Variants in TSGA10IP observed in about 807,000 individuals in gnomAD.
The protein encoded by TSGA10IP is testis specific 10 interacting protein.
Under a neutral mutation model 63.2 loss-of-function variants are expected in TSGA10IP, and 64 were observed. The ratio of observed to expected loss-of-function variants is 1.01; its 90% CI spans 0.83 to 1.25. The LOEUF (loss-of-function observed/expected upper bound fraction) is 1.25, where lower values mean the gene tolerates loss of function less well. TSGA10IP is among the 50% of genes most tolerant of loss of function. The pLI is 0.00. For missense variants in TSGA10IP, 681 were observed against 710.1 expected, an observed-to-expected ratio of 0.96 and a Z score of 0.47; for synonymous variants, 316 against 298.3, an observed-to-expected ratio of 1.06 and a Z score of -0.61.
exon 5 of TSGA10IP, chr11:65,953,604 G>C: frequency 6.3e-7 from 1 of 1,588,294 alleles, no homozygotes; most frequent in Non-Finnish European, 8.6e-7. Context: ...GCGGCAGGAG[G>C]AGCGGCAGCA....
exon 3 of TSGA10IP, chr11:65,947,251 C>T: frequency 6.2e-7 from 1 of 1,611,008 alleles, no homozygotes; most frequent in Non-Finnish European, 8.5e-7. Context: ...CCTCGTTCTC[C>T]CAGCGTCAGT....
chr11:65,959,193 A>G (rs1382803568), exon 7 of TSGA10IP: 4 of 1,604,020 alleles, frequency 2.5e-6, no homozygotes, highest in Non-Finnish European at 3.4e-6. Context: ...TCCTCAGGCC[A>G]ATGCCCGGCT....
chr11:65,953,030 C>CTTTTTTTT (rs543769953), intron 4 of TSGA10IP, among the ~76,000 whole-genome samples: 3 of 133,646 alleles, frequency 2.2e-5, no homozygotes, highest in African/African-American at 2.8e-5. Context: ...TTCTTTCTTT[C>CTTTTTTTT]TTTTTTTTTT....
Position 65,945,557 on chromosome 11 carries a change from A to ACC in TSGA10IP, c.-116_-115dup. The stretch of plus-strand genomic sequence containing the variant: ...TCCCAGAAGGAGATTGGCCTCACAT[A>ACC]CCCCACTGACCCCTTCCTAGCATGC... On this transcript the variant is annotated 5_prime_UTR_variant, in exon 1 of 8. An upstream open reading frame in the 5' UTR gains an earlier in-frame stop. Coordinates refer to ENST00000532620, the Ensembl canonical transcript of TSGA10IP. The ACC allele has an allele frequency of 1.8e-6, 2 of 1,129,410 alleles. No individual in the cohort carries two copies. Among genetic ancestry groups the ACC allele is most frequent in the South Asian group, 3.1e-5 (2 of 64,158 alleles). 70.0% of individuals were successfully genotyped at this position (1,129,410 alleles called of 1,614,324 possible). A position where few individuals can be genotyped will look rare whatever the true frequency, so the allele number is the denominator to read the frequency against.
At chr11:65,948,519 A>C (rs1365408355) in intron 4 of TSGA10IP, among the ~76,000 whole-genome samples, 2 of 152,196 alleles carry the variant, frequency 1.3e-5, no homozygotes, top group Non-Finnish European at 2.9e-5. Flanking sequence ...CTATTAAAAG[A>C]CTTGGAATTA....
intron 4 of TSGA10IP, among the ~76,000 whole-genome samples, chr11:65,951,995 G>A (rs980591617): frequency 6.6e-6 from 1 of 151,926 alleles, no homozygotes; most frequent in Non-Finnish European, 1.5e-5. Flanking sequence ...GATTACAGAC[G>A]TACATCACGA....
At position 65,958,937 on chromosome 11, in the gene TSGA10IP, G is replaced by A. The variant is rs568120263; in HGVS notation, c.1377G>A (p.Gln459=). The A allele has an allele frequency of 1.4e-5, 22 of 1,613,264 alleles. No individual in the cohort carries two copies. In the African/African-American group the frequency reaches 2.5e-4, roughly 19 times the overall value. ...ACCAGGCGGAGCTGCAAGGCATCCA[G>A]CACAGGGTGCAGGCCCGGCCCTTCC... Residue 459 remains glutamine (Q), a synonymous_variant, in exon 6 of 8, where the codon CAG becomes CAA. Coordinates refer to ENST00000532620, the Ensembl canonical transcript of TSGA10IP.
chr11:65,954,964 T>C (rs1855000269), intron 5 of TSGA10IP, among the ~76,000 whole-genome samples: 1 of 152,230 alleles, frequency 6.6e-6, no homozygotes, highest in African/African-American at 2.4e-5. Flanking sequence ...GGACCTGTGG[T>C]GGGCGCATGC....
chr11:65,948,711 C>T (rs969344860), intron 4 of TSGA10IP, among the ~76,000 whole-genome samples: 7 of 152,248 alleles, frequency 4.6e-5, no homozygotes, highest in African/African-American at 1.2e-4. Context: ...TGGTGGCTCA[C>T]GCCTATAATC....
rs771288241 is a variant in TSGA10IP, at chr11:65,959,318, A to G, written c.1547+4A>G. The G allele has an allele frequency of 5.0e-6, 8 of 1,610,682 alleles. No individual in the cohort carries two copies. The highest frequency in any genetic ancestry group is 6.8e-6 in the Non-Finnish European group (8 of 1,179,392). On this transcript the variant is annotated splice_donor_region_variant and intron_variant, in intron 7 of 7. Transcript: ENST00000532620. ...AGGGCACCCCCAGGAAACCCAGGTGAGTCTCCCCGTCAGGTCAAGAACTGA... is the reference window on the plus strand; with the variant it reads ...AGGGCACCCCCAGGAAACCCAGGTGGGTCTCCCCGTCAGGTCAAGAACTGA...
exon 2 of TSGA10IP, chr11:65,946,949 A>G: frequency 6.2e-7 from 1 of 1,614,010 alleles, no homozygotes; most frequent in Non-Finnish European, 8.5e-7. Context: ...CTCAAGGCAG[A>G]CAGCAAAGAA....
At chr11:65,950,691 T>C (rs1854927512) in intron 4 of TSGA10IP, among the ~76,000 whole-genome samples, 1 of 151,948 alleles carries the variant, frequency 6.6e-6, no homozygotes, top group Non-Finnish European at 1.5e-5. Context: ...GCCTCCTGAG[T>C]AGCTGGGACT....
At chr11:65,954,662 A>G (rs1357385898) in intron 5 of TSGA10IP, among the ~76,000 whole-genome samples, 3 of 152,098 alleles carry the variant, frequency 2.0e-5, no homozygotes, top group Admixed American at 6.6e-5. Flanking sequence ...TACTAAAAAT[A>G]CAAAAAGTAG....
chr11:65,947,813 A>AGAGACCTGGACTGTGGT lies in TSGA10IP; in HGVS notation c.992_1003+5dup. The AGAGACCTGGACTGTGGT allele has an allele frequency of 6.4e-7, 1 of 1,564,798 alleles. No individual in the cohort carries two copies. The highest frequency in any genetic ancestry group is 8.7e-7 in the Non-Finnish European group (1 of 1,155,048). ...GGAGAAGCTGCACAGGCAGCTACAG[A>AGAGACCTGGACTGTGGT]GAGACCTGGACTGTGGTGAGCGTGG... On this transcript the variant is annotated frameshift_variant, in exon 3 of 8. Transcript: ENST00000532620. LOFTEE classifies it high-confidence loss of function.
At chr11:65,955,465 T>C (rs1046187520) in intron 5 of TSGA10IP, among the ~76,000 whole-genome samples, 12 of 151,990 alleles carry the variant, frequency 7.9e-5, no homozygotes, top group African/African-American at 2.9e-4. Flanking sequence ...ATACAAAAAT[T>C]AGCTGGGCGT....
Position 65,947,564 on chromosome 11 carries a change from G to C in TSGA10IP, c.739G>C (p.Glu247Gln), listed in dbSNP as rs768003032. Residue 247 changes from glutamate (E) to glutamine (Q), a missense_variant, in exon 3 of 8, where the codon GAG (glutamate) becomes CAG (glutamine). Transcript: ENST00000532620. ...CAGGAGGGGGTCGATCTCAGAGGAG[G>C]AGCAATTTTCAGAGGCCACAGAGGA... 8 of 1,613,896 alleles carry C rather than the reference G, an allele frequency of 5.0e-6. 1 individual carries two copies. In the South Asian group the frequency reaches 8.8e-5, roughly 18 times the overall value.
At chr11:65,945,751 G>T (rs371012781) in exon 1 of TSGA10IP, 2 of 1,613,098 alleles carry the variant, frequency 1.2e-6, no homozygotes, top group African/African-American at 2.7e-5. Context: ...AGGGCAGGAC[G>T]TGCGGCTCCA....
chr11:65,947,154 G>A lies in TSGA10IP; in HGVS notation c.329G>A (p.Trp110Ter), dbSNP rs768998807. 8.1e-6 allele frequency: 13 copies of A among 1,611,418 alleles called. No homozygotes were observed. The highest frequency in any genetic ancestry group is 9.3e-6 in the Non-Finnish European group (11 of 1,178,768). Residue 110 changes from tryptophan to a stop codon, truncating the protein, a stop_gained, in exon 3 of 8, where the codon TGG (tryptophan) becomes TAG (stop). Coordinates refer to ENST00000532620, the Ensembl canonical transcript of TSGA10IP. LOFTEE classifies it high-confidence loss of function. ...CGGAAACCCTCCTTCCCCTTCCAGT[G>A]GGCCTGGGAGAGCATCGCCACAGAT...
At chr11:65,957,745 C>G (rs1001702928) in intron 5 of TSGA10IP, among the ~76,000 whole-genome samples, 3 of 152,112 alleles carry the variant, frequency 2.0e-5, no homozygotes, top group African/African-American at 7.2e-5. Context: ...CTCCCCTCCC[C>G]TCCTGTCCTC....
Sources: allele counts gnomAD v4.1 joint callset (sites outside exome capture counted in the v4.1 genomes callset), GRCh38; gene constraint gnomAD v4.1.1; transcripts MANE v1.5; gene names NCBI Gene and HGNC (gene_info 2026-07-23, HGNC 2026-07-21).